LRRC4C: variants seen among roughly 807,000 people sequenced by gnomAD.
LRRC4C encodes the protein leucine rich repeat containing 4C.
LRRC4C carries 5 observed loss-of-function variants against 33.6 expected under a neutral mutation model. The observed-to-expected ratio is 0.15, with a 90% CI of 0.08 to 0.31. LRRC4C has a LOEUF of 0.31. Ranked by LOEUF, LRRC4C falls within the 10% of genes least tolerant of loss-of-function variation. The probability of loss-of-function intolerance (pLI) is 1.00; values close to 1 mark genes in which losing one functional copy is unlikely to be tolerated. For missense variants in LRRC4C, 560 were observed against 796.7 expected (o/e 0.70, Z 3.58); for synonymous variants, 329 against 302.0 (o/e 1.09, Z -0.93).
At chr11:41,182,848 TAAA>T (rs57291815) in intron 1 of LRRC4C, among the ~76,000 whole-genome samples, 9 of 144,100 alleles carry the variant, frequency 6.2e-5, no homozygotes, top group Non-Finnish European at 7.5e-5. Context: ...CTGGGCAATT[TAAA>T]AAAAAAAAAA....
intron 1 of LRRC4C, among the ~76,000 whole-genome samples, chr11:41,087,547 T>C (rs190772050): frequency 6.2e-4 from 94 of 152,254 alleles, no homozygotes; most frequent in Middle Eastern, 3.4e-3. Context: ...CAGGCTGGTT[T>C]TGAATTCCTG....
chr11:41,398,985 T>A (rs145091416), intron 1 of LRRC4C, among the ~76,000 whole-genome samples: 1 of 151,920 alleles, frequency 6.6e-6, no homozygotes, highest in Admixed American at 6.6e-5. Context: ...AAAACAGATG[T>A]ACAAAATCTC....
intron 3 of LRRC4C, among the ~76,000 whole-genome samples, chr11:40,372,725 T>C (rs1434381503): frequency 6.6e-6 from 1 of 152,110 alleles, no homozygotes; most frequent in Non-Finnish European, 1.5e-5. Context: ...ATATATGTTG[T>C]TATCAGGAAG....
chr11:41,092,857 G>T (rs1940526481), intron 1 of LRRC4C, among the ~76,000 whole-genome samples: 1 of 152,190 alleles, frequency 6.6e-6, no homozygotes, highest in African/African-American at 2.4e-5. Flanking sequence ...ATGCAATGAT[G>T]AAATATATAC....
chr11:40,934,395 T>C (rs1957774210), intron 1 of LRRC4C, among the ~76,000 whole-genome samples: 1 of 152,190 alleles, frequency 6.6e-6, no homozygotes, highest in African/African-American at 2.4e-5. Flanking sequence ...ATATTTTATC[T>C]GCATGTGCGT....
intron 3 of LRRC4C, among the ~76,000 whole-genome samples, chr11:40,631,698 A>G (rs749408843): frequency 2.0e-5 from 3 of 152,122 alleles, no homozygotes; most frequent in Non-Finnish European, 4.4e-5. Flanking sequence ...TTAAAAAAAA[A>G]TGTTGCTTGG....
intron 3 of LRRC4C, among the ~76,000 whole-genome samples, chr11:40,622,365 G>GA (rs1236274417): frequency 2.1e-5 from 1 of 47,762 alleles, no homozygotes; most frequent in Admixed American, 2.6e-4. Flanking sequence ...TTTATACCAA[G>GA]GATTCTACAG....
chr11:40,181,552 T>C (rs1861004647), intron 5 of LRRC4C, among the ~76,000 whole-genome samples: 1 of 152,202 alleles, frequency 6.6e-6, no homozygotes, highest in African/African-American at 2.4e-5. Context: ...GATGGACTTT[T>C]CATATAGATG....
At chr11:40,582,187 A>G (rs1320366207) in intron 3 of LRRC4C, among the ~76,000 whole-genome samples, 1 of 152,196 alleles carries the variant, frequency 6.6e-6, no homozygotes, top group Non-Finnish European at 1.5e-5. Flanking sequence ...ACTGACAAGG[A>G]ATATATAAAA....
intron 3 of LRRC4C, among the ~76,000 whole-genome samples, chr11:40,429,857 A>G (rs185043619): frequency 2.0e-5 from 3 of 152,336 alleles, no homozygotes; most frequent in Admixed American, 2.0e-4. Context: ...AGATTTTTGA[A>G]GGGTATCCCA....
intron 4 of LRRC4C, among the ~76,000 whole-genome samples, chr11:40,269,543 C>T (rs1255664933): frequency 2.0e-5 from 3 of 152,088 alleles, no homozygotes; most frequent in South Asian, 2.1e-4. Context: ...TTCATACTTG[C>T]TCTTAATACT....
chr11:40,176,328 T>A (rs1048777863), intron 5 of LRRC4C, among the ~76,000 whole-genome samples: 1 of 152,154 alleles, frequency 6.6e-6, no homozygotes, highest in Non-Finnish European at 1.5e-5. Flanking sequence ...TGTAAGCTTA[T>A]TGAGTGCAGG....
intron 1 of LRRC4C, among the ~76,000 whole-genome samples, chr11:41,249,645 C>T (rs1379323762): frequency 1.3e-5 from 2 of 152,136 alleles, no homozygotes; most frequent in African/African-American, 4.8e-5. Flanking sequence ...TTTTCATCTG[C>T]AGGCCTTTGC....
At chr11:40,706,783 T>C (rs985261577) in intron 2 of LRRC4C, among the ~76,000 whole-genome samples, 4 of 152,200 alleles carry the variant, frequency 2.6e-5, no homozygotes, top group African/African-American at 9.6e-5. Context: ...GCATTGAATC[T>C]CTAAATTACC....
At chr11:40,453,185 A>G (rs1951972807) in intron 3 of LRRC4C, among the ~76,000 whole-genome samples, 1 of 152,018 alleles carries the variant, frequency 6.6e-6, no homozygotes, top group Non-Finnish European at 1.5e-5. Flanking sequence ...GTATAATAAA[A>G]AAATGTTGAT....
intron 4 of LRRC4C, among the ~76,000 whole-genome samples, chr11:40,253,993 C>T (rs1453374663): frequency 6.6e-6 from 1 of 152,150 alleles, no homozygotes; most frequent in Non-Finnish European, 1.5e-5. Flanking sequence ...GATTATCAAA[C>T]TATGGGATGA....
chr11:41,438,623 T>TGACATGAGATGGAGTAAAACAAGTAA (rs1392591612), intron 1 of LRRC4C, among the ~76,000 whole-genome samples: 2 of 152,160 alleles, frequency 1.3e-5, no homozygotes, highest in African/African-American at 4.8e-5. Flanking sequence ...AAAGAGAGAA[T>TGACATGAGATGGAGTAAAACAAGTAA]GACATGAGAT....
intron 3 of LRRC4C, among the ~76,000 whole-genome samples, chr11:40,398,313 T>C (rs1949623375): frequency 6.6e-6 from 1 of 152,064 alleles, no homozygotes; most frequent in Non-Finnish European, 1.5e-5. Context: ...CTTATATTCA[T>C]AGTACATATC....
intron 3 of LRRC4C, among the ~76,000 whole-genome samples, chr11:40,595,134 G>T (rs924861659): frequency 4.6e-5 from 7 of 151,592 alleles, no homozygotes; most frequent in African/African-American, 1.7e-4. Context: ...TGAACTCTAG[G>T]ATACATAGAA....
Sources: allele counts gnomAD v4.1 joint callset (sites outside exome capture counted in the v4.1 genomes callset), GRCh38; gene constraint gnomAD v4.1.1; transcripts MANE v1.5; gene names NCBI Gene and HGNC (gene_info 2026-07-23, HGNC 2026-07-21).